TXLNB: variants seen among roughly 807,000 people sequenced by gnomAD.
TXLNB encodes taxilin beta.
In TXLNB, 37 loss-of-function variants were observed where a neutral mutation model predicts 57.4. The observed-to-expected ratio is 0.64, with a 90% CI of 0.50 to 0.85. The LOEUF (loss-of-function observed/expected upper bound fraction) is 0.85, where lower values mean the gene tolerates loss of function less well. TXLNB is among the 40% of genes least tolerant of loss of function. The pLI is 0.00. For synonymous variants in TXLNB, 302 were observed against 309.6 expected, an observed-to-expected ratio of 0.98 and a Z score of 0.26; for missense variants, 848 against 825.6, an observed-to-expected ratio of 1.03 and a Z score of -0.33.
Position 139,241,873 on chromosome 6 carries a change from C to T in TXLNB, c.*653G>A, listed in dbSNP as rs1263629857. 1 of 152,158 alleles carries T rather than the reference C, an allele frequency of 6.6e-6. No individual in the cohort carries two copies. Among genetic ancestry groups the T allele is most frequent in the African/African-American group, 2.4e-5 (1 of 41,420 alleles). The allele number at this position is 152,158 out of a possible 1,614,324, so 9.4% of individuals were successfully genotyped here. Reference sequence around the variant, plus strand: ...ATAGAGCATTAGTCAACCATAGTCTCAAGTGCAAGTAAGAGATCATTTTTT... The same window carrying T: ...ATAGAGCATTAGTCAACCATAGTCTTAAGTGCAAGTAAGAGATCATTTTTT... On this transcript the variant is annotated 3_prime_UTR_variant, in exon 10 of 10. Coordinates refer to ENST00000358430, the MANE Select transcript of TXLNB (RefSeq NM_153235.4).
chr6:139,163,338 T>G, the TXLNB span, among the ~76,000 whole-genome samples: 1 of 150,606 alleles, frequency 6.6e-6, no homozygotes, highest in Non-Finnish European at 1.5e-5. Flanking sequence ...TGGGACATTT[T>G]GCAGTTCTCC....
At chr6:139,177,654 C>G in the TXLNB span, 1 of 152,592 alleles carries the variant, frequency 6.6e-6, no homozygotes, top group Admixed American at 6.5e-5. This position sits in a 1 kb window ranked among gnomAD's most constrained non-coding sequence, Gnocchi z 4.9. Context: ...AGTGCTGTTT[C>G]TATCACTATT....
the TXLNB span, among the ~76,000 whole-genome samples, chr6:139,163,996 TC>T: frequency 6.6e-6 from 1 of 152,112 alleles, no homozygotes. Context: ...TAAGTCTTTT[TC>T]CATCTTCCCT....
intron 4 of TXLNB, chr6:139,268,834 A>T (rs1268932894): frequency 2.0e-5 from 3 of 152,112 alleles, no homozygotes; most frequent in Non-Finnish European, 4.4e-5. Context: ...TACTTTGATC[A>T]TTCTGTCTTT....
At chr6:139,222,407 T>C in the TXLNB span, among the ~76,000 whole-genome samples, 1 of 152,168 alleles carries the variant, frequency 6.6e-6, no homozygotes, top group African/African-American at 2.4e-5. Flanking sequence ...TAAAAATAGA[T>C]ATTTCATAAT....
chr6:139,280,867 T>C (rs1777030174), intron 2 of TXLNB, among the ~76,000 whole-genome samples: 1 of 152,186 alleles, frequency 6.6e-6, no homozygotes, highest in African/African-American at 2.4e-5. Context: ...TAATAGGATA[T>C]GATTTCTAAA....
chr6:139,313,385 T>C, the TXLNB span, among the ~76,000 whole-genome samples: 1 of 152,208 alleles, frequency 6.6e-6, no homozygotes, highest in African/African-American at 2.4e-5. Context: ...CTTTCTCTTT[T>C]TAATCTGTCT....
At chr6:139,299,166 G>A in the TXLNB span, among the ~76,000 whole-genome samples, 1 of 152,154 alleles carries the variant, frequency 6.6e-6, no homozygotes, top group Non-Finnish European at 1.5e-5. Flanking sequence ...CCATTGGCTG[G>A]CCCCTGGCTG....
chr6:139,177,134 T>A, the TXLNB span: 394 of 805,248 alleles, frequency 4.9e-4, 1 homozygote, highest in Non-Finnish European at 6.6e-4. The surrounding 1 kb of genome is among the most constrained non-coding windows in gnomAD (Gnocchi z 4.9). Context: ...AATAGCTATT[T>A]TATTGATATT....
the TXLNB span, among the ~76,000 whole-genome samples, chr6:139,220,597 T>G: frequency 6.6e-6 from 1 of 152,208 alleles, no homozygotes; most frequent in Non-Finnish European, 1.5e-5. Flanking sequence ...GCCTGGCATA[T>G]GTGCTGCCCC....
At chr6:139,237,507 TAAAAAAAAA>T (rs58158274), downstream of TXLNB, 4 of 77,598 alleles carry the variant, frequency 5.2e-5, no homozygotes, top group Admixed American at 1.6e-4. Context: ...AGACTCCATC[TAAAAAAAAA>T]AAAAAAAAAA....
At chr6:139,233,570 G>A in the TXLNB span, among the ~76,000 whole-genome samples, 1 of 151,872 alleles carries the variant, frequency 6.6e-6, no homozygotes, top group Non-Finnish European at 1.5e-5. Flanking sequence ...TTTTTTAAGT[G>A]TCTGGTGTTT....
chr6:139,226,027 G>C, the TXLNB span, among the ~76,000 whole-genome samples: 1 of 151,964 alleles, frequency 6.6e-6, no homozygotes, highest in Non-Finnish European at 1.5e-5. Flanking sequence ...GGTCAGGTGC[G>C]GTGACTCACA....
At chr6:139,281,028 C>T (rs748305159) in intron 2 of TXLNB, among the ~76,000 whole-genome samples, 2 of 152,078 alleles carry the variant, frequency 1.3e-5, no homozygotes, top group African/African-American at 2.4e-5. Context: ...ACTCTGCCAT[C>T]AACTAGTTGA....
At chr6:139,295,171 T>TGA (rs1244622939), upstream of TXLNB, among the ~76,000 whole-genome samples, 4 of 152,194 alleles carry the variant, frequency 2.6e-5, no homozygotes, top group Admixed American at 1.3e-4. Flanking sequence ...ACTTACACAG[T>TGA]GGCTACCCAG....
the TXLNB span, chr6:139,167,427 T>C: frequency 1.4e-5 from 14 of 1,010,782 alleles, no homozygotes; most frequent in Non-Finnish European, 1.9e-5. Context: ...AGTGTTGTTT[T>C]TTTGTTCTAG....
the TXLNB span, among the ~76,000 whole-genome samples, chr6:139,318,182 A>C: frequency 6.7e-6 from 1 of 148,810 alleles, no homozygotes; most frequent in Non-Finnish European, 1.5e-5. Flanking sequence ...AGGCAGGAGA[A>C]TGGCGTGAAC....
At chr6:139,231,052 A>G in the TXLNB span, among the ~76,000 whole-genome samples, 17 of 152,280 alleles carry the variant, frequency 1.1e-4, no homozygotes, top group Admixed American at 8.5e-4. Flanking sequence ...ACTCCCAGAA[A>G]ACTGCACATA....
At chr6:139,262,871 G>T in intron 4 of TXLNB, 98 bp from the exon 5 acceptor site, 1 of 1,246,426 alleles carries the variant, frequency 8.0e-7, no homozygotes, top group African/African-American at 1.5e-5. Context: ...AGAGTAGGTG[G>T]GATGTTTTTT....
Sources: gnomAD v4.1 joint callset for allele counts (sites outside exome capture counted in the v4.1 genomes callset) on GRCh38, gnomAD v4.1.1 for gene constraint, Gnocchi (gnomAD v3.1) non-coding constraint, MANE v1.5 for transcripts, NCBI Gene and HGNC (gene_info 2026-07-23, HGNC 2026-07-21) for gene names.